XKR9: variants seen among roughly 807,000 people sequenced by gnomAD.
The protein encoded by XKR9 is XK related 9.
Under a neutral mutation model 32.0 loss-of-function variants are expected in XKR9, and 32 were observed. The ratio of observed to expected loss-of-function variants is 1.00; its 90% CI spans 0.76 to 1.34. The LOEUF (loss-of-function observed/expected upper bound fraction) is 1.34. Ranked by LOEUF, XKR9 falls within the 40% of genes most tolerant of loss-of-function variation. XKR9 has a pLI of 0.00. For missense variants in XKR9, 546 were observed against 429.7 expected (o/e 1.27, Z -2.39); for synonymous variants, 168 against 143.4 (o/e 1.17, Z -1.22).
At chr8:70,803,934 C>T in the XKR9 span, among the ~76,000 whole-genome samples, 2 of 152,184 alleles carry the variant, frequency 1.3e-5, no homozygotes. Flanking sequence ...TGTTGCCCTC[C>T]TGGCAACCAG....
the XKR9 span, among the ~76,000 whole-genome samples, chr8:70,970,987 A>G: frequency 6.6e-6 from 1 of 152,368 alleles, no homozygotes; most frequent in African/African-American, 2.4e-5. Context: ...TCATTCTACT[A>G]TAAAGACACA....
the XKR9 span, among the ~76,000 whole-genome samples, chr8:70,834,851 G>A: frequency 2.6e-5 from 4 of 152,182 alleles, no homozygotes; most frequent in African/African-American, 9.6e-5. Context: ...AGACTCATAT[G>A]CGACTTTAAA....
chr8:70,779,412 C>CT, intron 2 of XKR9, among the ~76,000 whole-genome samples: 1 of 152,034 alleles, frequency 6.6e-6, no homozygotes, highest in Non-Finnish European at 1.5e-5. Flanking sequence ...CTAACATTCT[C>CT]TTTTTTTGTT....
At chr8:70,928,325 G>A in the XKR9 span, among the ~76,000 whole-genome samples, 47,715 of 152,002 alleles carry the variant, frequency 0.31, 8,890 homozygotes, top group Non-Finnish European at 0.43. Context: ...GATTACAGGC[G>A]TGAACCACCC....
At chr8:71,019,476 G>A in the XKR9 span, among the ~76,000 whole-genome samples, 2 of 152,154 alleles carry the variant, frequency 1.3e-5, no homozygotes, top group Admixed American at 6.5e-5. Context: ...TGTGGCTGAC[G>A]GAGGCTCACA....
intron 3 of XKR9, among the ~76,000 whole-genome samples, chr8:70,693,196 C>T (rs1046581276): frequency 6.6e-6 from 1 of 152,216 alleles, no homozygotes; most frequent in African/African-American, 2.4e-5. Flanking sequence ...AACTGCAGTG[C>T]AGATTGAGTG....
the XKR9 span, among the ~76,000 whole-genome samples, chr8:70,956,776 C>A: frequency 6.6e-6 from 1 of 152,198 alleles, no homozygotes; most frequent in South Asian, 2.1e-4. Context: ...TTGGCCATAA[C>A]TTTGCTCCAC....
the XKR9 span, among the ~76,000 whole-genome samples, chr8:71,015,291 G>A: frequency 6.6e-6 from 1 of 152,104 alleles, no homozygotes; most frequent in Non-Finnish European, 1.5e-5. Flanking sequence ...TAACATGCCT[G>A]GTGGAGAGTA....
the XKR9 span, among the ~76,000 whole-genome samples, chr8:70,942,159 A>C: frequency 6.6e-6 from 1 of 152,294 alleles, no homozygotes; most frequent in South Asian, 2.1e-4. Context: ...TCTCCATGAA[A>C]GTTAAGAAAT....
chr8:70,828,497 G>A, the XKR9 span, among the ~76,000 whole-genome samples: 3 of 152,086 alleles, frequency 2.0e-5, no homozygotes, highest in South Asian at 2.1e-4. Context: ...AGGCCGAGGC[G>A]GGCGGATCAC....
In XKR9 at chr8:70,734,522, C is replaced by G. The variant is rs1806802808; in HGVS notation, c.*98C>G. The G allele has an allele frequency of 7.3e-7, 1 of 1,365,286 alleles. No homozygotes were observed. The highest frequency in any genetic ancestry group is 1.9e-5 in the South Asian group (1 of 51,820). The allele number at this position is 1,365,286 out of a possible 1,614,324, so 84.6% of individuals were successfully genotyped here. On this transcript the variant is annotated 3_prime_UTR_variant, in exon 5 of 5. Transcript: ENST00000408926. ...GTGTGTTGTCTCTTATTTTTGCCACCTTTAATTTGAAATTAGTTCAGTGAA... is the reference window on the plus strand; with the variant it reads ...GTGTGTTGTCTCTTATTTTTGCCACGTTTAATTTGAAATTAGTTCAGTGAA...
the XKR9 span, among the ~76,000 whole-genome samples, chr8:70,882,613 C>G: frequency 6.6e-6 from 1 of 151,782 alleles, no homozygotes; most frequent in African/African-American, 2.4e-5. Flanking sequence ...CTTTTCAGAG[C>G]AATTTTAGGT....
the XKR9 span, among the ~76,000 whole-genome samples, chr8:71,001,596 G>A: frequency 5.9e-5 from 9 of 152,032 alleles, no homozygotes; most frequent in Non-Finnish European, 1.0e-4. Flanking sequence ...TCTCTAAAAT[G>A]AGGATATGTA....
chr8:71,013,538 A>C, the XKR9 span, among the ~76,000 whole-genome samples: 1 of 152,244 alleles, frequency 6.6e-6, no homozygotes, highest in Non-Finnish European at 1.5e-5. Flanking sequence ...AGAAGCCAGC[A>C]GAGTTGTTGC....
At chr8:70,780,562 T>A (rs2130251099) in intron 2 of XKR9, among the ~76,000 whole-genome samples, 1 of 152,238 alleles carries the variant, frequency 6.6e-6, no homozygotes, top group East Asian at 1.9e-4. Context: ...AAGCGAAGGA[T>A]TTCCAAAAAC....
Position 70,707,117 on chromosome 8 carries a change from A to G in XKR9, c.457A>G (p.Ile153Val), listed in dbSNP as rs891583517. ...GCPQLILQLY[I>V]LLEHGQANFS... The stretch of plus-strand genomic sequence containing the variant: ...CCCACAACTTATTCTTCAACTCTAC[A>G]TTCTTCTGGAGCATGGACAAGCGAA... The change falls in exon 4 of 5, where the codon ATT (isoleucine) becomes GTT (valine). Residue 153 changes from isoleucine (I) to valine (V), a missense_variant. Transcript: ENST00000408926. The G allele has an allele frequency of 6.2e-7, 1 of 1,613,320 alleles. No homozygotes were observed. The highest frequency in any genetic ancestry group is 8.5e-7 in the Non-Finnish European group (1 of 1,179,420).
At chr8:71,057,636 G>C in the XKR9 span, among the ~76,000 whole-genome samples, 10,644 of 152,218 alleles carry the variant, frequency 0.07, 479 homozygotes, top group Non-Finnish European at 0.092. Flanking sequence ...ATTTATCACA[G>C]TGTCAGAACT....
At chr8:70,888,311 T>G in the XKR9 span, among the ~76,000 whole-genome samples, 1 of 152,048 alleles carries the variant, frequency 6.6e-6, no homozygotes, top group African/African-American at 2.4e-5. Context: ...TTTTTTTAGT[T>G]GGCTATTGCG....
intron 2 of XKR9, among the ~76,000 whole-genome samples, chr8:70,763,460 C>T (rs1184630512): frequency 1.3e-5 from 2 of 152,128 alleles, no homozygotes. Context: ...AAGAATCCCC[C>T]TGTGGACTTC....
Sources: gnomAD v4.1 joint callset for allele counts (sites outside exome capture counted in the v4.1 genomes callset) on GRCh38, gnomAD v4.1.1 for gene constraint, MANE v1.5 for transcripts, NCBI Gene and HGNC (gene_info 2026-07-23, HGNC 2026-07-21) for gene names.